Variants in KIF13A observed in about 807,000 individuals in gnomAD.
KIF13A encodes kinesin family member 13A.
A neutral mutation model predicts 212.2 loss-of-function variants in KIF13A; 79 were observed. The observed-to-expected ratio is 0.37, with a 90% CI of 0.31 to 0.45. The LOEUF is 0.45. KIF13A is among the 20% of genes least tolerant of loss of function. The pLI is 1.00. For synonymous variants in KIF13A, 789 were observed against 808.6 expected (o/e 0.98, Z 0.41); for missense variants, 1,901 against 2,209.0 (o/e 0.86, Z 2.79).
At chr6:17,931,754 T>C (rs917553872) in intron 2 of KIF13A, among the ~76,000 whole-genome samples, 1 of 152,118 alleles carries the variant, frequency 6.6e-6, no homozygotes, top group African/African-American at 2.4e-5. Context: ...AACAACTGTG[T>C]GTTCATGACA....
chr6:17,936,660 T>C (rs1285190341), intron 2 of KIF13A, among the ~76,000 whole-genome samples: 3 of 152,194 alleles, frequency 2.0e-5, no homozygotes, highest in Non-Finnish European at 4.4e-5. Context: ...GTGGCTATTA[T>C]TGCCCTAGGT....
In KIF13A at chr6:17,855,558, G is replaced by A. The variant is rs781570360; in HGVS notation, c.373C>T (p.Leu125Phe). The stretch of plus-strand genomic sequence containing the variant: ...ATCCTTTTAAATAAAGCACAGCAGA[G>A]CCTTGGAATAAGGCCCAGCTGCTCA... The part of the protein sequence containing the change: ...HAEQLGLIPR[L>F]CCALFKRISL... Residue 125 changes from leucine (L) to phenylalanine (F), a missense_variant, in exon 6 of 39, where the codon CTC becomes TTC. Physicochemically the swap from Leu to Phe is conservative, Grantham distance 22. Around this residue, in one of 5 missense-constraint regions of KIF13A, gnomAD observed 506 missense variants for 637.4 expected, o/e 0.79. Coordinates refer to ENST00000259711, the MANE Select transcript of KIF13A (RefSeq NM_022113.6). This position sits in a 1 kb window ranked among gnomAD's most constrained non-coding sequence, Gnocchi z 4.1. 16 of 1,613,578 alleles carry A rather than the reference G, an allele frequency of 9.9e-6. No homozygotes were observed. Among genetic ancestry groups the A allele is most frequent in the Non-Finnish European group, 1.4e-5 (16 of 1,179,782 alleles).
At chr6:17,978,634 ATCT>A (rs371748115) in intron 2 of KIF13A, among the ~76,000 whole-genome samples, 83 of 152,356 alleles carry the variant, frequency 5.4e-4, no homozygotes, top group African/African-American at 1.8e-3. Flanking sequence ...ACATATAAAC[ATCT>A]TCTCTGCTCT....
At chr6:17,922,806 T>A (rs74695297) in intron 2 of KIF13A, among the ~76,000 whole-genome samples, 2 of 151,302 alleles carry the variant, frequency 1.3e-5, no homozygotes. Flanking sequence ...TAAAAAAAAA[T>A]AGAGATGGGG....
rs569444004 is a variant in KIF13A at position 17,799,637 on chromosome 6, A to C, written c.2617-198T>G. ...CCACAGTTCTGTAACTATAGTATAT[A>C]AACTTGGCAACAAATACACACATTC... is the stretch of plus-strand genomic sequence containing the variant. On this transcript the variant is annotated intron_variant, in intron 21 of 38. Transcript: ENST00000259711. This position sits in a 1 kb window ranked among gnomAD's most constrained non-coding sequence, Gnocchi z 4.4. Among the ~76,000 whole-genome samples the C allele has an allele frequency of 2.6e-5, 4 of 152,328 alleles. No homozygotes were observed. In the South Asian group the frequency reaches 8.3e-4, roughly 32 times the overall value.
chr6:17,813,393 T>A (rs542098632), intron 17 of KIF13A, among the ~76,000 whole-genome samples: 18 of 152,142 alleles, frequency 1.2e-4, no homozygotes, highest in African/African-American at 4.3e-4. Context: ...GGTAGGAGAA[T>A]CGCTTGAACC....
intron 20 of KIF13A, among the ~76,000 whole-genome samples, chr6:17,802,887 T>C (rs992799129): frequency 3.3e-5 from 5 of 151,612 alleles, no homozygotes; most frequent in South Asian, 4.2e-4. Context: ...GGTGGGACTA[T>C]AGGTGCTCAT....
At chr6:17,986,958 TA>T in intron 2 of KIF13A, 95 bp downstream of exon 2, 1 of 863,402 alleles carries the variant, frequency 1.2e-6, no homozygotes, top group Non-Finnish European at 1.9e-6. Flanking sequence ...GCCGTCCTCC[TA>T]ACAATAGGAA....
rs1767394748 is a variant in KIF13A at position 17,849,252 on chromosome 6, G to A, written c.830+125C>T. On this transcript the variant is annotated intron_variant, in intron 9 of 38. Coordinates refer to ENST00000259711, the MANE Select transcript of KIF13A (RefSeq NM_022113.6). The surrounding 1 kb of genome is among the most constrained non-coding windows in gnomAD (Gnocchi z 5.7). Reference sequence around the variant, plus strand: ...CACAGGTTGTTGTTGTTTTTCTTCAGCCCAGTTTACTAAAGCTATACAGAC... The same window carrying A: ...CACAGGTTGTTGTTGTTTTTCTTCAACCCAGTTTACTAAAGCTATACAGAC... 2 of 642,860 alleles carry A rather than the reference G, an allele frequency of 3.1e-6. No individual in the cohort carries two copies. Among genetic ancestry groups the A allele is most frequent in the Non-Finnish European group, 5.3e-6 (2 of 376,586 alleles). The allele number at this position is 642,860 out of a possible 1,614,324, so 39.8% of individuals were successfully genotyped here. A position where few individuals can be genotyped will look rare whatever the true frequency, so the allele number is the denominator to read the frequency against.
At chr6:17,792,468 A>C (rs1444993234) in intron 25 of KIF13A, among the ~76,000 whole-genome samples, 1 of 152,202 alleles carries the variant, frequency 6.6e-6, no homozygotes, top group East Asian at 1.9e-4. Flanking sequence ...CATTTAGTAA[A>C]GCTCAACTAG....
chr6:17,775,271 T>A (rs1759854082), intron 34 of KIF13A, among the ~76,000 whole-genome samples: 1 of 152,234 alleles, frequency 6.6e-6, no homozygotes, highest in Non-Finnish European at 1.5e-5. Context: ...TATATACTCA[T>A]AACCAATAGT....
In KIF13A at chr6:17,912,404, C is replaced by T. The variant is rs980847883; in HGVS notation, c.147-14224G>A. ...CCCAAACTGGGAGTGATCTTGATAA[C>T]AGCATCAGCCTGCCTGACCTTCCGT... On this transcript the variant is annotated intron_variant, in intron 2 of 38. Coordinates refer to ENST00000259711, the MANE Select transcript of KIF13A (RefSeq NM_022113.6). The surrounding 1 kb of genome is among the most constrained non-coding windows in gnomAD (Gnocchi z 4.2). Among the ~76,000 whole-genome samples, 1 of 152,204 alleles carries T rather than the reference C, an allele frequency of 6.6e-6. No individual in the cohort carries two copies. The highest frequency in any genetic ancestry group is 2.4e-5 in the African/African-American group (1 of 41,454).
Position 17,772,242 on chromosome 6 carries a change from GA to G in KIF13A, c.4325-184del, listed in dbSNP as rs1056154584. On this transcript the variant is annotated intron_variant, in intron 36 of 38. Transcript: ENST00000259711. The surrounding 1 kb of genome is among the most constrained non-coding windows in gnomAD (Gnocchi z 4.8). ...GTGCAACATAGGGACACCAGTCTGT[GA>G]AAAAAAAAATAAACAGATAGCCAGG... Among the ~76,000 whole-genome samples, 5 of 149,384 alleles carry G rather than the reference GA, an allele frequency of 3.3e-5. No individual in the cohort carries two copies. Among genetic ancestry groups the G allele is most frequent in the East Asian group, 3.9e-4 (2 of 5,100 alleles).
chr6:17,973,993 C>A (rs1264384917), intron 2 of KIF13A, among the ~76,000 whole-genome samples: 1 of 152,210 alleles, frequency 6.6e-6, no homozygotes, highest in Non-Finnish European at 1.5e-5. Context: ...ATTCTTTCCC[C>A]TCTAATGTAA....
chr6:17,770,567 GAAT>G (rs1312355646), intron 38 of KIF13A: 1 of 152,756 alleles, frequency 6.5e-6, no homozygotes, highest in Non-Finnish European at 1.5e-5. Flanking sequence ...CAAGGTATTG[GAAT>G]ATATTTTGCC....
Position 17,804,480 on chromosome 6 carries a change from G to C in KIF13A, c.2335C>G (p.Pro779Ala), listed in dbSNP as rs1287824852. The change falls in exon 20 of 39, where the codon CCT becomes GCT. Residue 779 changes from proline to alanine, a missense_variant. Transcript: ENST00000259711. ...AKRLYGKRGD[P>A]FYEAQENHNL... ...TGATTTTCTTGGGCTTCATAGAAAG[G>C]GTCACCTCGTTTTCCGTAGAGTCTC... The C allele has an allele frequency of 2.5e-6, 4 of 1,598,172 alleles. No homozygotes were observed. The highest frequency in any genetic ancestry group is 1.1e-5 in the South Asian group (1 of 88,098).
At position 17,772,053 on chromosome 6, in the gene KIF13A, G is replaced by A; in HGVS notation, c.4331C>T (p.Thr1444Ile). Reference protein sequence around the residue: ...DSPRRNKEGCTSETPHALTVS... With the variant: ...DSPRRNKEGCISETPHALTVS... Reference sequence around the variant, plus strand: ...GGTTAAGGCATGAGGAGTCTCTGATGTACAACCTAGGGAAGATGAGAAGTT... The same window carrying A: ...GGTTAAGGCATGAGGAGTCTCTGATATACAACCTAGGGAAGATGAGAAGTT... The change falls in exon 37 of 39, where the codon ACA becomes ATA. Residue 1444 changes from threonine to isoleucine, a missense_variant. Coordinates refer to ENST00000259711, the MANE Select transcript of KIF13A (RefSeq NM_022113.6). This position sits in a 1 kb window ranked among gnomAD's most constrained non-coding sequence, Gnocchi z 4.8. The A allele has an allele frequency of 6.2e-7, 1 of 1,613,768 alleles. No homozygotes were observed.
At chr6:17,797,348 A>G (rs1762135621) in intron 22 of KIF13A, among the ~76,000 whole-genome samples, 1 of 152,096 alleles carries the variant, frequency 6.6e-6, no homozygotes, top group Non-Finnish European at 1.5e-5. Context: ...TTCTTATATC[A>G]ATAAAGAAAA....
At chr6:17,798,552 T>C (rs1762230151) in intron 22 of KIF13A, among the ~76,000 whole-genome samples, 1 of 152,208 alleles carries the variant, frequency 6.6e-6, no homozygotes, top group Admixed American at 6.5e-5. Flanking sequence ...TTTCTAAGTG[T>C]AGAACCAGAA....
Sources: gnomAD v4.1 joint callset for allele counts (sites outside exome capture counted in the v4.1 genomes callset) on GRCh38, gnomAD v4.1.1 for gene constraint, gnomAD v4.1.1 regional missense constraint, Gnocchi (gnomAD v3.1) non-coding constraint, MANE v1.5 for transcripts, NCBI Gene and HGNC (gene_info 2026-07-23, HGNC 2026-07-21) for gene names.